KLRG1: variants seen among roughly 807,000 people sequenced by gnomAD.
KLRG1 encodes the protein killer cell lectin-like receptor subfamily G member 1.
Under a neutral mutation model 21.8 loss-of-function variants are expected in KLRG1, and 16 were observed. That is an observed-to-expected ratio of 0.73 (90% CI 0.50 to 1.11). KLRG1 has a LOEUF of 1.11. Ranked by LOEUF, KLRG1 falls within the 50% of genes most tolerant of loss-of-function variation. The pLI is 0.00. For missense variants in KLRG1, 173 were observed against 218.3 expected, an observed-to-expected ratio of 0.79 and a Z score of 1.31; for synonymous variants, 69 against 75.9, an observed-to-expected ratio of 0.91 and a Z score of 0.47.
chr12:9,125,094 C>T, the KLRG1 span, among the ~76,000 whole-genome samples: 3 of 152,208 alleles, frequency 2.0e-5, no homozygotes. Context: ...ACTACCCTCT[C>T]TGCTGAGAGC....
chr12:9,045,495 A>G, the KLRG1 span, among the ~76,000 whole-genome samples: 1 of 152,202 alleles, frequency 6.6e-6, no homozygotes, highest in African/African-American at 2.4e-5. Flanking sequence ...GCACTTTAAA[A>G]GGCAAAAAAC....
chr12:9,115,780 A>C, the KLRG1 span: 2 of 1,613,012 alleles, frequency 1.2e-6, no homozygotes, highest in African/African-American at 2.7e-5. Flanking sequence ...CCAGAGACTG[A>C]GGCGTCTGTG....
At chr12:9,182,198 G>T in the KLRG1 span, 216 of 423,848 alleles carry the variant, frequency 5.1e-4, no homozygotes, top group Non-Finnish European at 7.0e-4. Flanking sequence ...GGACACTATT[G>T]CTTGGTCTTA....
At chr12:9,106,343 C>A in the KLRG1 span, 1 of 1,596,516 alleles carries the variant, frequency 6.3e-7, no homozygotes, top group African/African-American at 1.3e-5. Flanking sequence ...GTCAATTCCA[C>A]CACTGAAAAA....
chr12:8,975,793 C>G (rs1405626951), intron 1 of KLRG1, among the ~76,000 whole-genome samples: 1 of 152,142 alleles, frequency 6.6e-6, no homozygotes, highest in Non-Finnish European at 1.5e-5. Flanking sequence ...AACTCCTGAC[C>G]TCAGGTGATC....
At chr12:9,047,544 T>G in the KLRG1 span, among the ~76,000 whole-genome samples, 139 of 152,300 alleles carry the variant, frequency 9.1e-4, no homozygotes, top group African/African-American at 3.2e-3. Flanking sequence ...AGGTAGAGAT[T>G]AAATCTAAAT....
chr12:9,211,781 A>C, the KLRG1 span, among the ~76,000 whole-genome samples: 4 of 152,238 alleles, frequency 2.6e-5, no homozygotes, highest in Non-Finnish European at 4.4e-5. Context: ...TTGGGTTCCC[A>C]GGATTGACAA....
downstream of KLRG1, among the ~76,000 whole-genome samples, chr12:9,012,419 C>T (rs1309098807): frequency 2.0e-5 from 3 of 152,050 alleles, no homozygotes; most frequent in African/African-American, 7.2e-5. Context: ...CCAGTCCAGG[C>T]AGGATTCATC....
At chr12:9,119,668 G>A in the KLRG1 span, among the ~76,000 whole-genome samples, 1 of 152,158 alleles carries the variant, frequency 6.6e-6, no homozygotes, top group African/African-American at 2.4e-5. Context: ...CTGAGTGGGA[G>A]GTACAAATGA....
chr12:9,104,467 A>G, the KLRG1 span: 2 of 1,498,104 alleles, frequency 1.3e-6, no homozygotes, highest in Non-Finnish European at 1.8e-6. Flanking sequence ...ATATTCATTT[A>G]TCACATTTTT....
At chr12:9,079,924 G>C in the KLRG1 span, 3 of 1,143,144 alleles carry the variant, frequency 2.6e-6, no homozygotes, top group East Asian at 8.1e-5. Flanking sequence ...TTTTAGGAAG[G>C]ATGATTCTTC....
the KLRG1 span, chr12:9,202,458 T>G: frequency 1.2e-6 from 2 of 1,612,464 alleles, no homozygotes; most frequent in South Asian, 1.1e-5. Context: ...GCTAGGATAA[T>G]GGAGACTTTG....
chr12:9,150,738 A>G, the KLRG1 span: 308 of 1,609,728 alleles, frequency 1.9e-4, no homozygotes, highest in Non-Finnish European at 2.4e-4. Context: ...TTAGCGTCTG[A>G]TTTGTCACCT....
chr12:9,030,674 G>A, the KLRG1 span, among the ~76,000 whole-genome samples: 1 of 152,146 alleles, frequency 6.6e-6, no homozygotes, highest in Non-Finnish European at 1.5e-5. Context: ...CCAAAGTGCT[G>A]GGATTACAGG....
At chr12:9,028,663 C>T in the KLRG1 span, 358 of 408,144 alleles carry the variant, frequency 8.8e-4, no homozygotes, top group African/African-American at 6.2e-3. Context: ...AGGATGGTTT[C>T]GATCTCTTGA....
the KLRG1 span, among the ~76,000 whole-genome samples, chr12:9,137,047 T>C: frequency 1.3e-5 from 2 of 152,212 alleles, no homozygotes; most frequent in African/African-American, 4.8e-5. Flanking sequence ...GTTCAACTTA[T>C]TTGTTTTTGT....
At chr12:9,121,566 C>G in the KLRG1 span, among the ~76,000 whole-genome samples, 2 of 152,070 alleles carry the variant, frequency 1.3e-5, no homozygotes, top group Non-Finnish European at 2.9e-5. The surrounding 1 kb of genome is among the most constrained non-coding windows in gnomAD (Gnocchi z 4.4). Context: ...AAAACAAAAA[C>G]AAAAAGAAAG....
the KLRG1 span, among the ~76,000 whole-genome samples, chr12:9,016,119 C>T: frequency 6.6e-6 from 1 of 151,974 alleles, no homozygotes; most frequent in Admixed American, 6.5e-5. Flanking sequence ...AAGAGCAAAT[C>T]AAACCCAAAA....
At chr12:9,107,422 C>A in the KLRG1 span, 1 of 1,396,978 alleles carries the variant, frequency 7.2e-7, no homozygotes, top group Non-Finnish European at 9.7e-7. Flanking sequence ...ATGGAATTCT[C>A]TTCTAGATTG....
Sources: allele counts gnomAD v4.1 joint callset (sites outside exome capture counted in the v4.1 genomes callset), GRCh38; gene constraint gnomAD v4.1.1; non-coding constraint Gnocchi (gnomAD v3.1); transcripts MANE v1.5; gene names NCBI Gene and HGNC (gene_info 2026-07-23, HGNC 2026-07-21).